SLC5A10: variants seen among roughly 807,000 people sequenced by gnomAD.
SLC5A10 encodes sodium/mannose cotransporter SLC5A10.
A neutral mutation model predicts 68.9 loss-of-function variants in SLC5A10; 55 were observed. The observed-to-expected ratio is 0.80, with a 90% CI of 0.64 to 1.00. The LOEUF is 1.00. SLC5A10 is among the 50% of genes least tolerant of loss of function. The pLI, the probability that SLC5A10 is intolerant of heterozygous loss-of-function variation, is 0.00. For missense variants in SLC5A10, 732 were observed against 819.3 expected, an observed-to-expected ratio of 0.89 and a Z score of 1.30; for synonymous variants, 344 against 344.8, an observed-to-expected ratio of 1.00 and a Z score of 0.02.
intron 5 of SLC5A10, among the ~76,000 whole-genome samples, chr17:18,966,933 C>T (rs1473377686): frequency 6.6e-6 from 1 of 151,942 alleles, no homozygotes; most frequent in Non-Finnish European, 1.5e-5. Flanking sequence ...TGCTCCACAC[C>T]CACTTCCCCA....
chr17:18,958,580 T>C (rs1243209068), intron 1 of SLC5A10, 102 bp from the exon 2 acceptor site: 3 of 925,282 alleles, frequency 3.2e-6, no homozygotes, highest in Non-Finnish European at 5.2e-6. Flanking sequence ...CATATGGTGA[T>C]TCTATGCGTA....
At chr17:18,980,757 T>A (rs2043110758) in intron 9 of SLC5A10, among the ~76,000 whole-genome samples, 1 of 152,152 alleles carries the variant, frequency 6.6e-6, no homozygotes, top group Admixed American at 6.5e-5. Flanking sequence ...AAAGGGGACC[T>A]GGGGCTCATC....
chr17:18,993,109 G>A (rs922180077), intron 9 of SLC5A10, among the ~76,000 whole-genome samples: 1 of 152,154 alleles, frequency 6.6e-6, no homozygotes, highest in African/African-American at 2.4e-5. Context: ...GAAACCACGG[G>A]TGCACAGGCC....
rs577732409 is a variant in SLC5A10 at position 19,019,598 on chromosome 17, G to A, written c.1410+7G>A. 1.6e-5 allele frequency: 26 copies of A among 1,610,286 alleles called. No homozygotes were observed. Among genetic ancestry groups the A allele is most frequent in the East Asian group, 1.1e-4 (5 of 44,870 alleles). On this transcript the variant is annotated splice_region_variant and intron_variant, in intron 12 of 14. Coordinates refer to ENST00000395645, the MANE Select transcript of SLC5A10 (RefSeq NM_001042450.4). Reference sequence around the variant, plus strand: ...GCGACGTGCCAACGAGCAGGTGGGCGTCGGCGGTCTGCTCTCCCTGGGGAC... The same window carrying A: ...GCGACGTGCCAACGAGCAGGTGGGCATCGGCGGTCTGCTCTCCCTGGGGAC...
chr17:18,988,495 C>T, intron 9 of SLC5A10: 1 of 1,572,288 alleles, frequency 6.4e-7, no homozygotes, highest in Non-Finnish European at 8.7e-7. Flanking sequence ...GCACAGCCCT[C>T]CCATGCCACC....
chr17:19,006,403 CTTTTTTTTTT>C (rs532718554), intron 9 of SLC5A10, among the ~76,000 whole-genome samples: 3 of 138,448 alleles, frequency 2.2e-5, no homozygotes, highest in Admixed American at 7.3e-5. Flanking sequence ...TTTCTTTTTT[CTTTTTTTTTT>C]TTTTTTGTAG....
intron 9 of SLC5A10, among the ~76,000 whole-genome samples, chr17:19,005,018 A>G (rs1265707963): frequency 6.6e-6 from 1 of 152,204 alleles, no homozygotes; most frequent in African/African-American, 2.4e-5. Context: ...CAGCGGGTCA[A>G]CAGCCTTGGC....
chr17:18,993,273 T>C lies in SLC5A10; in HGVS notation c.982+16284T>C, dbSNP rs370100795. Among the ~76,000 whole-genome samples the C allele has an allele frequency of 2.6e-5, 4 of 152,308 alleles. No individual in the cohort carries two copies. In the East Asian group the frequency reaches 7.7e-4, roughly 29 times the overall value. Reference sequence around the variant, plus strand: ...CTCCTTGCCACCTGCCCATTTTGCATCTGCTCGGACAACTACCTTTTTTCA... The same window carrying C: ...CTCCTTGCCACCTGCCCATTTTGCACCTGCTCGGACAACTACCTTTTTTCA... On this transcript the variant is annotated intron_variant, in intron 9 of 14. Coordinates refer to ENST00000395645, the MANE Select transcript of SLC5A10 (RefSeq NM_001042450.4).
chr17:18,979,726 G>A, intron 9 of SLC5A10: 1 of 1,603,824 alleles, frequency 6.2e-7, no homozygotes, highest in South Asian at 1.1e-5. Context: ...TGACCACACA[G>A]GGCGAGGGGA....
At chr17:18,983,300 C>A (rs773916878) in intron 9 of SLC5A10, among the ~76,000 whole-genome samples, 1 of 152,242 alleles carries the variant, frequency 6.6e-6, no homozygotes, top group African/African-American at 2.4e-5. Flanking sequence ...GGCCATGGGG[C>A]GCTCGAGGCC....
intron 9 of SLC5A10, among the ~76,000 whole-genome samples, chr17:19,008,567 T>G (rs936316673): frequency 6.6e-6 from 1 of 151,156 alleles, no homozygotes; most frequent in African/African-American, 2.4e-5. Context: ...TGTCACGATC[T>G]CAGCTCACTG....
At position 18,971,774 on chromosome 17, in the gene SLC5A10, G is replaced by A. The variant is rs1351750244; in HGVS notation, c.846+556G>A. 1 of 1,532,010 alleles carries A rather than the reference G, an allele frequency of 6.5e-7. No homozygotes were observed. Among genetic ancestry groups the A allele is most frequent in the East Asian group, 2.3e-5 (1 of 44,086 alleles). 94.9% of individuals were successfully genotyped at this position (1,532,010 alleles called of 1,614,324 possible). ...CTGGGAGAGAGAGAGCAGAGAGTGA[G>A]GCTGAGCAAGAAGGGCCAACCCCGC... is the stretch of plus-strand genomic sequence containing the variant. On this transcript the variant is annotated intron_variant, in intron 8 of 14. Coordinates refer to ENST00000395645, the MANE Select transcript of SLC5A10 (RefSeq NM_001042450.4). This position sits in a 1 kb window ranked among gnomAD's most constrained non-coding sequence, Gnocchi z 5.5.
Position 18,988,833 on chromosome 17 carries a change from C to A in SLC5A10, c.982+11844C>A, listed in dbSNP as rs531197062. Among the ~76,000 whole-genome samples, 86 of 152,352 alleles carry A rather than the reference C, an allele frequency of 5.6e-4. 1 individual carries two copies. The South Asian group carries it at 0.013, about 22-fold the overall frequency. On this transcript the variant is annotated intron_variant, in intron 9 of 14. Coordinates refer to ENST00000395645, the MANE Select transcript of SLC5A10 (RefSeq NM_001042450.4). ...CTAAACCCAGATCTCTTCCTGTCAG[C>A]TGACAACATCTGTCCCCATAGCAGG...
intron 9 of SLC5A10, among the ~76,000 whole-genome samples, chr17:19,007,794 T>C (rs2043925682): frequency 6.6e-6 from 1 of 152,220 alleles, no homozygotes; most frequent in Non-Finnish European, 1.5e-5. Context: ...AATTTTTCCT[T>C]TTATGCATCA....
chr17:18,970,105 C>T (rs2042804145), intron 7 of SLC5A10: 1 of 152,282 alleles, frequency 6.6e-6, no homozygotes, highest in Non-Finnish European at 1.5e-5. Flanking sequence ...TCACACAAAC[C>T]CTCGGTCTGA....
At chr17:18,983,015 G>A (rs965131606) in intron 9 of SLC5A10, among the ~76,000 whole-genome samples, 2 of 152,246 alleles carry the variant, frequency 1.3e-5, no homozygotes, top group Non-Finnish European at 2.9e-5. Flanking sequence ...CCATGAACTG[G>A]AAGTGGCGCA....
At chr17:19,009,431 G>A (rs2043968126) in intron 9 of SLC5A10, among the ~76,000 whole-genome samples, 1 of 152,124 alleles carries the variant, frequency 6.6e-6, no homozygotes, top group Non-Finnish European at 1.5e-5. Flanking sequence ...ATATTGGTCA[G>A]GTTGGTCTTG....
chr17:19,016,718 C>G (rs1259496646), intron 11 of SLC5A10, among the ~76,000 whole-genome samples: 1 of 152,202 alleles, frequency 6.6e-6, no homozygotes, highest in Non-Finnish European at 1.5e-5. Flanking sequence ...CTTCCATGTC[C>G]CTGTGTCCTG....
intron 9 of SLC5A10, among the ~76,000 whole-genome samples, chr17:19,001,705 G>C (rs1445015748): frequency 6.6e-6 from 1 of 152,228 alleles, no homozygotes. Flanking sequence ...GTACGGAGTG[G>C]CTGGGTCACA....
Sources: gnomAD v4.1 joint callset for allele counts (sites outside exome capture counted in the v4.1 genomes callset) on GRCh38, gnomAD v4.1.1 for gene constraint, Gnocchi (gnomAD v3.1) non-coding constraint, MANE v1.5 for transcripts, NCBI Gene and HGNC (gene_info 2026-07-23, HGNC 2026-07-21) for gene names.